The following ZSCAN25 variants were observed in gnomAD, a reference collection of about 807,000 sequenced individuals.
ZSCAN25 encodes zinc finger and SCAN domain containing 25.
In ZSCAN25, 27 loss-of-function variants were observed where a neutral mutation model predicts 38.7. The ratio of observed to expected loss-of-function variants is 0.70; its 90% CI spans 0.51 to 0.96. The LOEUF is 0.96. Ranked by LOEUF, ZSCAN25 falls within the 40% of genes least tolerant of loss-of-function variation. ZSCAN25 has a pLI of 0.00. For synonymous variants in ZSCAN25, 273 were observed against 277.7 expected (o/e 0.98, Z 0.17); for missense variants, 637 against 705.9 (o/e 0.90, Z 1.11).
chr7:99,684,829 G>C, the ZSCAN25 span: 3 of 183,296 alleles, frequency 1.6e-5, no homozygotes, highest in Admixed American at 1.7e-4. Flanking sequence ...GAGAAATTTT[G>C]ATTCTTTTAT....
Position 99,621,359 on chromosome 7 carries a change from G to A in ZSCAN25, c.388-14G>A. The A allele has an allele frequency of 2.2e-6, 3 of 1,361,384 alleles. No individual in the cohort carries two copies. The highest frequency in any genetic ancestry group is 2.9e-6 in the Non-Finnish European group (3 of 1,043,456). The allele number at this position is 1,361,384 out of a possible 1,614,324, so 84.3% of individuals were successfully genotyped here. A position where few individuals can be genotyped will look rare whatever the true frequency, so the allele number is the denominator to read the frequency against. ...CCAGGCCTCATTCTAATCGGTGTTG[G>A]GAACTGTTCTTAGGTTCCATGCCAC... On this transcript the variant is annotated splice_polypyrimidine_tract_variant and intron_variant, in intron 4 of 7. Coordinates refer to ENST00000394152, the MANE Select transcript of ZSCAN25 (RefSeq NM_145115.3).
At chr7:99,683,535 A>G in the ZSCAN25 span, among the ~76,000 whole-genome samples, 1 of 152,148 alleles carries the variant, frequency 6.6e-6, no homozygotes, top group African/African-American at 2.4e-5. Flanking sequence ...TTTCTGCAAA[A>G]GTGACACACC....
the ZSCAN25 span, among the ~76,000 whole-genome samples, chr7:99,725,654 G>A: frequency 2.0e-5 from 3 of 152,170 alleles, no homozygotes; most frequent in South Asian, 2.1e-4. Flanking sequence ...GACTCACATC[G>A]CCACTGCTCC....
At chr7:99,636,998 A>G (rs1379168422), downstream of ZSCAN25, among the ~76,000 whole-genome samples, 1 of 152,250 alleles carries the variant, frequency 6.6e-6, no homozygotes, top group Non-Finnish European at 1.5e-5. Flanking sequence ...CCAACAGGGT[A>G]TCTTTTTTAT....
chr7:99,703,940 A>G, the ZSCAN25 span, among the ~76,000 whole-genome samples: 2 of 151,914 alleles, frequency 1.3e-5, no homozygotes, highest in African/African-American at 4.8e-5. Context: ...ACTTGGAACC[A>G]CCATGACTCT....
the ZSCAN25 span, among the ~76,000 whole-genome samples, chr7:99,704,071 C>T: frequency 6.6e-6 from 1 of 152,186 alleles, no homozygotes; most frequent in Admixed American, 6.5e-5. Flanking sequence ...TGAGTAGTTT[C>T]AGCCTTGTTG....
chr7:99,686,758 C>CT, the ZSCAN25 span, among the ~76,000 whole-genome samples: 1 of 151,808 alleles, frequency 6.6e-6, no homozygotes, highest in Admixed American at 6.5e-5. Context: ...GCACCCCCCC[C>CT]CCAGTAGGGG....
Position 99,629,300 on chromosome 7 carries a change from G to A in ZSCAN25, c.915G>A (p.Gly305=). ...GGGAAGCCTCTCTCCAGGGCCCTGG[G>A]CTCGGAAGGGTCTGTGAGCAGGAGC... The part of the protein sequence containing the change: ...RFGEASLQGP[G]LGRVCEQEPG... The change falls in exon 8 of 8, where the codon GGG becomes GGA. Residue 305 remains glycine (G), a synonymous_variant. Coordinates refer to ENST00000394152, the MANE Select transcript of ZSCAN25 (RefSeq NM_145115.3). This position sits in a 1 kb window ranked among gnomAD's most constrained non-coding sequence, Gnocchi z 5.6. The A allele has an allele frequency of 6.2e-7, 1 of 1,614,132 alleles. No homozygotes were observed. The highest frequency in any genetic ancestry group is 2.2e-5 in the East Asian group (1 of 44,876).
At chr7:99,662,462 A>G in the ZSCAN25 span, among the ~76,000 whole-genome samples, 1 of 152,258 alleles carries the variant, frequency 6.6e-6, no homozygotes, top group Non-Finnish European at 1.5e-5. This position sits in a 1 kb window ranked among gnomAD's most constrained non-coding sequence, Gnocchi z 4.3. Flanking sequence ...TTACTGGGAT[A>G]GTGTGCTTCC....
At chr7:99,626,282 A>G (rs1439299927) in intron 7 of ZSCAN25, among the ~76,000 whole-genome samples, 1 of 152,178 alleles carries the variant, frequency 6.6e-6, no homozygotes, top group Non-Finnish European at 1.5e-5. Flanking sequence ...TCAGAGGAGT[A>G]AGGAGGAGGC....
Position 99,629,783 on chromosome 7 carries a change from C to T in ZSCAN25, c.1398C>T (p.Ser466=), listed in dbSNP as rs369112972. 64 of 1,614,130 alleles carry T rather than the reference C, an allele frequency of 4.0e-5. No homozygotes were observed. The highest frequency in any genetic ancestry group is 5.2e-5 in the Non-Finnish European group (61 of 1,180,040). The change falls in exon 8 of 8, where the codon AGC becomes AGT. Residue 466 remains serine, a synonymous_variant. Transcript: ENST00000394152. The surrounding 1 kb of genome is among the most constrained non-coding windows in gnomAD (Gnocchi z 5.6). ...EKPYTCECGK[S]FSRNANLAVH... is the part of the protein sequence containing the mutation. ...CCTACACCTGCGAGTGTGGCAAGAG[C>T]TTCAGCAGGAATGCCAATCTGGCGG...
downstream of ZSCAN25, among the ~76,000 whole-genome samples, chr7:99,633,738 A>AT (rs1470247037): frequency 1.3e-5 from 2 of 152,158 alleles, no homozygotes; most frequent in African/African-American, 2.4e-5. Flanking sequence ...GCCTGCACTC[A>AT]TGGATTTAAA....
At chr7:99,726,461 C>T in the ZSCAN25 span, among the ~76,000 whole-genome samples, 15 of 152,308 alleles carry the variant, frequency 9.8e-5, no homozygotes, top group African/African-American at 3.6e-4. Flanking sequence ...CCAACCCGTA[C>T]ACTCTTTTGT....
At chr7:99,647,509 A>G in the ZSCAN25 span, 2 of 985,490 alleles carry the variant, frequency 2.0e-6, no homozygotes, top group South Asian at 9.4e-5. Flanking sequence ...TGAAGATGGA[A>G]TGCAAGACGT....
At chr7:99,726,336 A>G in the ZSCAN25 span, among the ~76,000 whole-genome samples, 7 of 152,290 alleles carry the variant, frequency 4.6e-5, no homozygotes, top group East Asian at 1.4e-3. Flanking sequence ...TAAAGCCTAC[A>G]AACTCTCCTT....
rs1056717198 is a variant in ZSCAN25 at position 99,632,408 on chromosome 7, G to A, written c.*2388G>A. On this transcript the variant is annotated 3_prime_UTR_variant, in exon 8 of 8. Transcript: ENST00000394152. Reference sequence around the variant, plus strand: ...TTATTATAAACTCATAATCAATCTTGTTTCATCTCTGTCCACTCCTTCCTC... The same window carrying A: ...TTATTATAAACTCATAATCAATCTTATTTCATCTCTGTCCACTCCTTCCTC... 5.1e-6 allele frequency: 2 copies of A among 390,030 alleles called. No individual in the cohort carries two copies. The highest frequency in any genetic ancestry group is 4.4e-5 in the African/African-American group (2 of 45,676). The allele number at this position is 390,030 out of a possible 1,614,324, so 24.2% of individuals were successfully genotyped here. A position where few individuals can be genotyped will look rare whatever the true frequency, so the allele number is the denominator to read the frequency against.
chr7:99,665,523 GACACCAA>G, the ZSCAN25 span, among the ~76,000 whole-genome samples: 1 of 152,204 alleles, frequency 6.6e-6, no homozygotes, highest in Non-Finnish European at 1.5e-5. Context: ...GGGTGATGGA[GACACCAA>G]GCTGAGTTAG....
the ZSCAN25 span, chr7:99,720,333 A>G: frequency 6.2e-7 from 1 of 1,613,404 alleles, no homozygotes; most frequent in Non-Finnish European, 8.5e-7. Context: ...GTGAAGACAG[A>G]ATAACATTCT....
the ZSCAN25 span, chr7:99,715,787 T>C: frequency 6.2e-7 from 1 of 1,613,882 alleles, no homozygotes. Context: ...ATCTAATGGA[T>C]TAAATCTTAA....
Sources: allele counts gnomAD v4.1 joint callset (sites outside exome capture counted in the v4.1 genomes callset), GRCh38; gene constraint gnomAD v4.1.1; non-coding constraint Gnocchi (gnomAD v3.1); transcripts MANE v1.5; gene names NCBI Gene and HGNC (gene_info 2026-07-23, HGNC 2026-07-21).